Variants in SDCCAG8 observed in about 807,000 individuals in gnomAD.
The protein encoded by SDCCAG8 is serologically defined colon cancer antigen 8.
In SDCCAG8, 74 loss-of-function variants were observed where a neutral mutation model predicts 101.8. The observed-to-expected ratio is 0.73, with a 90% CI of 0.60 to 0.88. The LOEUF (loss-of-function observed/expected upper bound fraction) is 0.88, where lower values mean the gene tolerates loss of function less well. Among genes scored for constraint, SDCCAG8 ranks in the 40% least tolerant of loss-of-function variants. The pLI is 0.00. For synonymous variants in SDCCAG8, 281 were observed against 292.9 expected, an observed-to-expected ratio of 0.96 and a Z score of 0.41; for missense variants, 787 against 822.6, an observed-to-expected ratio of 0.96 and a Z score of 0.53.
At chr1:243,400,573 G>A (rs968237208) in intron 13 of SDCCAG8, among the ~76,000 whole-genome samples, 2 of 152,196 alleles carry the variant, frequency 1.3e-5, no homozygotes, top group Admixed American at 1.3e-4. Flanking sequence ...CAGACTTCAA[G>A]AGTAGCTGGA....
In SDCCAG8 at chr1:243,308,100, G is replaced by C. The variant is rs750977738; in HGVS notation, c.852G>C (p.Leu284Phe). ...NTCNRVGGLCLKCAQHEAVLS... is the reference protein window; with the variant it reads ...NTCNRVGGLCFKCAQHEAVLS... The stretch of plus-strand genomic sequence containing the variant: ...GTAACCGTGTTGGTGGTCTTTGTTT[G>C]AAATGTGCTCAGCATGAAGCTGTTC... The change falls in exon 8 of 18, where the codon TTG (leucine) becomes TTC (phenylalanine). Residue 284 changes from leucine to phenylalanine, a missense_variant. By Grantham distance (22) the Leu-to-Phe change is conservative. Coordinates refer to ENST00000366541, the MANE Select transcript of SDCCAG8 (RefSeq NM_006642.5). The C allele has an allele frequency of 1.2e-6, 2 of 1,614,184 alleles. No individual in the cohort carries two copies. Among genetic ancestry groups the C allele is most frequent in the East Asian group, 4.5e-5 (2 of 44,880 alleles).
chr1:243,330,473 T>C (rs972017278), intron 9 of SDCCAG8, 67 bp from the exon 10 acceptor site: 39 of 1,514,954 alleles, frequency 2.6e-5, no homozygotes, highest in Non-Finnish European at 3.5e-5. Context: ...TAAAGCTTAA[T>C]TATGTCATTT....
intron 16 of SDCCAG8, among the ~76,000 whole-genome samples, chr1:243,439,622 T>TCACACA (rs60044857): frequency 0.2 from 23,556 of 119,958 alleles, 2,769 homozygotes; most frequent in East Asian, 0.37. Flanking sequence ...TGAGACTCCA[T>TCACACA]CACACACACA....
At chr1:243,260,257 G>A (rs2067102544) in intron 1 of SDCCAG8, among the ~76,000 whole-genome samples, 1 of 152,252 alleles carries the variant, frequency 6.6e-6, no homozygotes, top group Admixed American at 6.5e-5. Flanking sequence ...TGTGTCCTGG[G>A]TATCCTGGGA....
At chr1:243,454,394 C>T (rs2083580815) in intron 16 of SDCCAG8, among the ~76,000 whole-genome samples, 1 of 152,122 alleles carries the variant, frequency 6.6e-6, no homozygotes, top group African/African-American at 2.4e-5. Flanking sequence ...CATACCCCTT[C>T]AGCCAGGCAG....
intron 12 of SDCCAG8, among the ~76,000 whole-genome samples, chr1:243,353,506 A>AAAAAAG (rs2076213796): frequency 1.4e-5 from 2 of 146,522 alleles, no homozygotes; most frequent in Non-Finnish European, 3.0e-5. Context: ...AAAAAAAAAA[A>AAAAAAG]AAAAAAAAAA....
intron 13 of SDCCAG8, among the ~76,000 whole-genome samples, chr1:243,379,947 G>T (rs1212742219): frequency 1.3e-5 from 2 of 152,192 alleles, no homozygotes; most frequent in Non-Finnish European, 2.9e-5. Context: ...AAATATTCTA[G>T]AGGTTGGTGA....
intron 12 of SDCCAG8, among the ~76,000 whole-genome samples, chr1:243,352,020 T>C (rs936244598): frequency 1.3e-5 from 2 of 152,232 alleles, no homozygotes; most frequent in Admixed American, 6.5e-5. Flanking sequence ...AGGGTATGTA[T>C]ACCTCATTCA....
intron 16 of SDCCAG8, chr1:243,476,411 A>G (rs1423777064): frequency 1.8e-5 from 17 of 950,392 alleles, no homozygotes; most frequent in Non-Finnish European, 2.1e-5. Flanking sequence ...TGTGGGCCCA[A>G]TCTTATGCCA....
chr1:243,263,107 G>A (rs1290058907), intron 1 of SDCCAG8, among the ~76,000 whole-genome samples: 1 of 152,230 alleles, frequency 6.6e-6, no homozygotes, highest in Non-Finnish European at 1.5e-5. Context: ...TCCATCAAGA[G>A]GCGGCAACAC....
At chr1:243,364,109 G>A (rs1357957087) in intron 12 of SDCCAG8, among the ~76,000 whole-genome samples, 1 of 152,004 alleles carries the variant, frequency 6.6e-6, no homozygotes, top group South Asian at 2.1e-4. Context: ...AGTACAGAAG[G>A]ATTTTTTTTT....
chr1:243,459,986 A>G lies in SDCCAG8; in HGVS notation c.1986-29028A>G, dbSNP rs532273645. 3.3e-5 allele frequency among the ~76,000 whole-genome samples: 5 copies of G among 152,280 alleles called. 1 individual carries two copies. In the South Asian group the frequency reaches 1.0e-3, roughly 32 times the overall value. On this transcript the variant is annotated intron_variant, in intron 16 of 17. Coordinates refer to ENST00000366541, the MANE Select transcript of SDCCAG8 (RefSeq NM_006642.5). ...TTCCAAGCTGTTTAGGAAAATTTGTACTACCAAATGTCACTGTCACTCAAG... is the reference window on the plus strand; with the variant it reads ...TTCCAAGCTGTTTAGGAAAATTTGTGCTACCAAATGTCACTGTCACTCAAG...
chr1:243,432,129 G>T (rs539405310), intron 16 of SDCCAG8, among the ~76,000 whole-genome samples: 90 of 152,112 alleles, frequency 5.9e-4, no homozygotes, highest in African/African-American at 2.1e-3. Flanking sequence ...TTTTAATTTG[G>T]GGAATTAACA....
At chr1:243,447,646 A>G (rs2083032860) in intron 16 of SDCCAG8, among the ~76,000 whole-genome samples, 2 of 152,346 alleles carry the variant, frequency 1.3e-5, no homozygotes, top group Middle Eastern at 3.4e-3. Context: ...TTTGAAAAAA[A>G]GGTTTGCATG....
chr1:243,388,012 G>A (rs751778722), intron 13 of SDCCAG8, among the ~76,000 whole-genome samples: 3 of 152,070 alleles, frequency 2.0e-5, no homozygotes, highest in African/African-American at 4.8e-5. Context: ...CACTGTGCCC[G>A]GCCTCTAGTA....
At chr1:243,478,956 C>CAAAAAAAAAAAAAAAAAAAA (rs148382740) in intron 16 of SDCCAG8, among the ~76,000 whole-genome samples, 11 of 94,724 alleles carry the variant, frequency 1.2e-4, no homozygotes, top group African/African-American at 4.8e-4. Flanking sequence ...GACTCTGTCT[C>CAAAAAAAAAAAAAAAAAAAA]AAAAAAAAAA....
chr1:243,496,677 T>C (rs1037877721), intron 17 of SDCCAG8, among the ~76,000 whole-genome samples: 3 of 152,174 alleles, frequency 2.0e-5, no homozygotes, highest in African/African-American at 4.8e-5. Context: ...GGCTGCCACT[T>C]CTGGCTGGTT....
intron 6 of SDCCAG8, among the ~76,000 whole-genome samples, chr1:243,294,704 C>G (rs10926983): frequency 8.1e-6 from 1 of 123,548 alleles, no homozygotes; most frequent in African/African-American, 3.4e-5. Context: ...ATTCCCCCCC[C>G]CCCCCACAGC....
At position 243,415,827 on chromosome 1, in the gene SDCCAG8, C is replaced by T; in HGVS notation, c.1742C>T (p.Thr581Ile). 1.2e-6 allele frequency: 2 copies of T among 1,613,228 alleles called. No homozygotes were observed. The highest frequency in any genetic ancestry group is 1.7e-6 in the Non-Finnish European group (2 of 1,179,592). The change falls in exon 14 of 18, where the codon ACT becomes ATT. Residue 581 changes from threonine to isoleucine, a missense_variant and splice_region_variant. By Grantham distance (89) the Thr-to-Ile change is moderately conservative (BLOSUM62 -1). Transcript: ENST00000366541. Reference sequence around the variant, plus strand: ...CAAATGGAGGCCCAGCATGACAAAACTGGTAGGTGGTAGGGAAAGATTAGA... The same window carrying T: ...CAAATGGAGGCCCAGCATGACAAAATTGGTAGGTGGTAGGGAAAGATTAGA... ...IQQMEAQHDKTENEQYLLLTS... is the reference protein window; with the variant it reads ...IQQMEAQHDKIENEQYLLLTS...
Sources: gnomAD v4.1 joint callset for allele counts (sites outside exome capture counted in the v4.1 genomes callset) on GRCh38, gnomAD v4.1.1 for gene constraint, MANE v1.5 for transcripts, NCBI Gene and HGNC (gene_info 2026-07-23, HGNC 2026-07-21) for gene names.